The following ZNF577 variants were observed in gnomAD, a reference collection of about 807,000 sequenced individuals.
ZNF577 encodes zinc finger protein 577.
Under a neutral mutation model 13.9 loss-of-function variants are expected in ZNF577, and 14 were observed. That is an observed-to-expected ratio of 1.00 (90% confidence interval 0.66 to 1.57). The LOEUF (loss-of-function observed/expected upper bound fraction) is 1.57, where lower values mean the gene tolerates loss of function less well. ZNF577 is among the 40% of genes most tolerant of loss of function. The pLI, the probability that ZNF577 is intolerant of heterozygous loss-of-function variation, is 0.00. For synonymous variants in ZNF577, 203 were observed against 202.9 expected, an observed-to-expected ratio of 1.00 and a Z score of 0.00; for missense variants, 555 against 579.2, an observed-to-expected ratio of 0.96 and a Z score of 0.43.
intron 9 of ZNF577, among the ~76,000 whole-genome samples, chr19:51,832,655 A>G (rs2084266603): frequency 6.6e-6 from 1 of 152,208 alleles, no homozygotes; most frequent in African/African-American, 2.4e-5. Context: ...TTCTCCTAAA[A>G]ATGTAGTAGT....
At position 51,873,237 on chromosome 19, in the gene ZNF577, G is replaced by A; in HGVS notation, c.753C>T (p.Phe251=). The A allele has an allele frequency of 1.9e-6, 3 of 1,613,084 alleles. No homozygotes were observed. The highest frequency in any genetic ancestry group is 2.5e-6 in the Non-Finnish European group (3 of 1,179,134). The change falls in exon 6 of 6, where the codon TTC becomes TTT. Residue 251 remains phenylalanine, a synonymous_variant. Transcript: ENST00000638348. The stretch of plus-strand genomic sequence containing the variant: ...GTCTATTGAGCCGGCACTTCCGGCT[G>A]AAGGCTTTTCCGCATTTGCTGCATC... ...PYRCSKCGKA[F]SRKCRLNRHQ...
At chr19:51,838,404 A>G (rs2084299894) in intron 9 of ZNF577, among the ~76,000 whole-genome samples, 1 of 151,806 alleles carries the variant, frequency 6.6e-6, no homozygotes, top group South Asian at 2.1e-4. Context: ...AAGCAAAAAA[A>G]GCCAATGGTT....
At chr19:51,855,537 G>A (rs557426512) in intron 5 of ZNF577, among the ~76,000 whole-genome samples, 2 of 152,236 alleles carry the variant, frequency 1.3e-5, no homozygotes, top group South Asian at 4.1e-4. Context: ...ACACATCCCT[G>A]TGTATGTGTT....
At chr19:51,882,058 G>A (rs1328243682) in intron 1 of ZNF577, among the ~76,000 whole-genome samples, 2 of 152,142 alleles carry the variant, frequency 1.3e-5, no homozygotes, top group Admixed American at 6.5e-5. Flanking sequence ...TCCTGAGACC[G>A]CTTCATCCCA....
In ZNF577 at chr19:51,869,522, G is replaced by A. The variant is rs2084620498; in HGVS notation, c.*3010C>T. Among the ~76,000 whole-genome samples, 1 of 152,118 alleles carries A rather than the reference G, an allele frequency of 6.6e-6. No homozygotes were observed. Among genetic ancestry groups the A allele is most frequent in the African/African-American group, 2.4e-5 (1 of 41,426 alleles). On this transcript the variant is annotated 3_prime_UTR_variant, in exon 6 of 6. Transcript: ENST00000638348. ...ATGGTAGAGATAGTGATCAACAAATGCTGAGGGAACTCAGAGACCAGTGCC... is the reference window on the plus strand; with the variant it reads ...ATGGTAGAGATAGTGATCAACAAATACTGAGGGAACTCAGAGACCAGTGCC...
chr19:51,846,244 C>T (rs1051517279), intron 5 of ZNF577, among the ~76,000 whole-genome samples: 10 of 152,142 alleles, frequency 6.6e-5, no homozygotes, highest in African/African-American at 2.4e-4. Context: ...GCCTGTATAA[C>T]ACAGTGAGTT....
rs143491261 is a variant in ZNF577 at position 51,808,150 on chromosome 19, C to T, written c.*818-2896G>A. ...TGCTGCAGGGAATTTAAAGAATCTCCGTGCAGGGTTTGGTAAATATGTGTA... is the reference window on the plus strand; with the variant it reads ...TGCTGCAGGGAATTTAAAGAATCTCTGTGCAGGGTTTGGTAAATATGTGTA... On this transcript the variant is annotated intron_variant and NMD_transcript_variant, in intron 10 of 10. Transcript: ENST00000638827. 8.3e-4 allele frequency among the ~76,000 whole-genome samples: 126 copies of T among 152,306 alleles called. 2 individuals carry two copies. The East Asian group carries it at 0.023, about 28-fold the overall frequency.
chr19:51,862,847 G>A (rs2084518230), downstream of ZNF577: 1 of 152,600 alleles, frequency 6.6e-6, no homozygotes, highest in Admixed American at 6.6e-5. Flanking sequence ...TGAGCTCTCT[G>A]ATGTACAGTG....
At chr19:51,855,377 G>A (rs1166542817) in intron 5 of ZNF577, among the ~76,000 whole-genome samples, 2 of 117,112 alleles carry the variant, frequency 1.7e-5, no homozygotes, top group African/African-American at 7.8e-5. Flanking sequence ...CTGTGTGTGT[G>A]TGTGTGTGTG....
intron 5 of ZNF577, among the ~76,000 whole-genome samples, chr19:51,857,431 G>GAAAGA (rs1568442312): frequency 5.2e-5 from 7 of 133,830 alleles, no homozygotes; most frequent in Non-Finnish European, 9.8e-5. Flanking sequence ...AGAAAGAAAA[G>GAAAGA]AAAAAACAAA....
Position 51,877,364 on chromosome 19 carries a change from G to T in ZNF577, c.201C>A (p.Thr67=), listed in dbSNP as rs746941003. The change falls in exon 5 of 6, where the codon ACC becomes ACA. Residue 67 remains threonine (T), a synonymous_variant. Transcript: ENST00000638348. Reference sequence around the variant, plus strand: ...CCAACTTGAAGAGCGAATCTGGCTTGGTGCCTCGATACCCTGTAAATGGGA... The same window carrying T: ...CCAACTTGAAGAGCGAATCTGGCTTTGTGCCTCGATACCCTGTAAATGGGA... The part of the protein sequence containing the change: ...INLVSIGYRG[T]KPDSLFKLEQ... 5.0e-6 allele frequency: 8 copies of T among 1,613,946 alleles called. No homozygotes were observed. Among genetic ancestry groups the T allele is most frequent in the Non-Finnish European group, 5.9e-6 (7 of 1,179,958 alleles).
In ZNF577 at chr19:51,873,632, G is replaced by A. The variant is rs770144779; in HGVS notation, c.358C>T (p.His120Tyr). ...AFGGYGRSCL[H>Y]IKRDKTLTGV... ...GTAAGAGTTTTGTCACGCTTGATAT[G>A]GAGGCATGATCTCCCATATCCACCA... is the stretch of plus-strand genomic sequence containing the variant. The change falls in exon 6 of 6, where the codon CAT becomes TAT. Residue 120 changes from histidine (H) to tyrosine (Y), a missense_variant. Coordinates refer to ENST00000638348, the MANE Select transcript of ZNF577 (RefSeq NM_001370449.1). 1 of 1,614,084 alleles carries A rather than the reference G, an allele frequency of 6.2e-7. No individual in the cohort carries two copies. The highest frequency in any genetic ancestry group is 2.2e-5 in the East Asian group (1 of 44,872).
At chr19:51,838,133 G>A (rs749834362) in intron 9 of ZNF577, among the ~76,000 whole-genome samples, 9 of 152,134 alleles carry the variant, frequency 5.9e-5, no homozygotes, top group Admixed American at 3.9e-4. Context: ...TAAATTTGTA[G>A]TCATTTCTAC....
At chr19:51,846,275 A>T (rs2084350583) in intron 5 of ZNF577, among the ~76,000 whole-genome samples, 1 of 152,244 alleles carries the variant, frequency 6.6e-6, no homozygotes, top group Non-Finnish European at 1.5e-5. Flanking sequence ...TAAGAAATAA[A>T]AGGTATACAT....
At chr19:51,816,585 C>A (rs1050387808) in intron 9 of ZNF577, among the ~76,000 whole-genome samples, 1 of 152,156 alleles carries the variant, frequency 6.6e-6, no homozygotes, top group Non-Finnish European at 1.5e-5. Context: ...TAAATGAAAG[C>A]AAAGTGATTT....
At chr19:51,823,652 G>C in intron 9 of ZNF577, 1 of 1,023,454 alleles carries the variant, frequency 9.8e-7, no homozygotes, top group Non-Finnish European at 1.4e-6. Context: ...CTGCTGGTAG[G>C]AGGAGGAGCT....
At chr19:51,815,874 A>G (rs977222652) in intron 9 of ZNF577, among the ~76,000 whole-genome samples, 5 of 150,156 alleles carry the variant, frequency 3.3e-5, no homozygotes, top group African/African-American at 1.0e-4. Flanking sequence ...AAAAAAAAGA[A>G]AAAAGAAAAA....
rs910391038 is a variant in ZNF577, at chr19:51,877,267, T to C, written c.283+15A>G. 1.9e-6 allele frequency: 3 copies of C among 1,610,664 alleles called. No homozygotes were observed. In the African/African-American group the frequency reaches 4.0e-5, roughly 22 times the overall value. ...ATGCCATTTCTCCCCATTTTCTTAG[T>C]TTTCACTCACTTACCTGGACAGATT... On this transcript the variant is annotated intron_variant, in intron 5 of 5. Transcript: ENST00000638348.
intron 1 of ZNF577, 138 bp downstream of exon 1, chr19:51,886,683 C>T (rs531435302): frequency 1.1e-4 from 17 of 152,066 alleles, no homozygotes; most frequent in Admixed American, 1.3e-4. Context: ...TTATTCAGAC[C>T]ATACTACGTA....
Sources: allele counts gnomAD v4.1 joint callset (sites outside exome capture counted in the v4.1 genomes callset), GRCh38; gene constraint gnomAD v4.1.1; transcripts MANE v1.5; gene names NCBI Gene and HGNC (gene_info 2026-07-23, HGNC 2026-07-21).